The following COP1 variants were observed in gnomAD, a reference collection of about 807,000 sequenced individuals.
COP1 encodes the protein COP1 E3 ubiquitin ligase.
COP1 carries 24 observed loss-of-function variants against 101.3 expected under a neutral mutation model. The observed-to-expected ratio is 0.24, with a 90% CI of 0.17 to 0.33. COP1 has a LOEUF of 0.33. Ranked by LOEUF, COP1 falls within the 10% of genes least tolerant of loss-of-function variation. The pLI is 1.00. For synonymous variants in COP1, 347 were observed against 341.9 expected (o/e 1.01, Z -0.17); for missense variants, 663 against 906.2 (o/e 0.73, Z 3.45).
At position 176,130,265 on chromosome 1, in the gene COP1, C is replaced by T. The variant is rs183292050; in HGVS notation, c.968+4745G>A. 4.1e-3 allele frequency among the ~76,000 whole-genome samples: 623 copies of T among 151,772 alleles called. 2 individuals carry two copies. The highest frequency in any genetic ancestry group is 6.9e-3 in the Non-Finnish European group (469 of 67,678). On this transcript the variant is annotated intron_variant, in intron 8 of 19. Coordinates refer to ENST00000367669, the MANE Select transcript of COP1 (RefSeq NM_022457.7). ...AAATATTAATAATACTCTAGAAGGG[C>T]AGATAGGATGTATATCCTCATAATC...
chr1:176,163,877 G>A lies in COP1; in HGVS notation c.580C>T (p.Leu194Phe). ...YPNFLVNELI[L>F]KQKQRFEEKR... is the part of the protein sequence containing the mutation. Reference sequence around the variant, plus strand: ...TCCTCAAATCTTTGCTTCTGTTTAAGAATGAGTTCATTCACTGAAAACAGA... The same window carrying A: ...TCCTCAAATCTTTGCTTCTGTTTAAAAATGAGTTCATTCACTGAAAACAGA... The change falls in exon 4 of 20, where the codon CTT (leucine) becomes TTT (phenylalanine). Residue 194 changes from leucine to phenylalanine, a missense_variant. Transcript: ENST00000367669. The A allele has an allele frequency of 6.2e-7, 1 of 1,604,902 alleles. No individual in the cohort carries two copies. The highest frequency in any genetic ancestry group is 1.1e-5 in the South Asian group (1 of 89,972).
chr1:175,971,016 A>T (rs1653130350), intron 18 of COP1, among the ~76,000 whole-genome samples: 1 of 152,214 alleles, frequency 6.6e-6, no homozygotes, highest in Non-Finnish European at 1.5e-5. Flanking sequence ...AACAGAAATG[A>T]GGAGATGAAA....
chr1:176,067,035 C>T (rs10913131), intron 11 of COP1, among the ~76,000 whole-genome samples: 60,356 of 151,888 alleles, frequency 0.4, 12,193 homozygotes, highest in Admixed American at 0.44. Context: ...TGGTTTTTAA[C>T]TCTATTTTCA....
Position 175,986,930 on chromosome 1 carries a change from T to C in COP1, c.2133+13A>G. 6.4e-7 allele frequency: 1 copy of C among 1,564,020 alleles called. No homozygotes were observed. The highest frequency in any genetic ancestry group is 8.6e-7 in the Non-Finnish European group (1 of 1,159,408). On this transcript the variant is annotated intron_variant, in intron 18 of 19. Coordinates refer to ENST00000367669, the MANE Select transcript of COP1 (RefSeq NM_022457.7). ...TGAGATCCCAAGGTGAAAAAACTGA[T>C]ATGAAAACTTACCCCATCTGGTAGT...
intron 18 of COP1, among the ~76,000 whole-genome samples, chr1:175,979,379 T>C (rs1655280984): frequency 6.6e-6 from 1 of 152,106 alleles, no homozygotes; most frequent in Admixed American, 6.6e-5. Flanking sequence ...GCTTCTCAAA[T>C]GTGCTTTACT....
chr1:176,086,168 A>C (rs1680098456), intron 9 of COP1, among the ~76,000 whole-genome samples: 1 of 152,182 alleles, frequency 6.6e-6, no homozygotes, highest in African/African-American at 2.4e-5. Context: ...CACTTCTACA[A>C]ATAAAATGAA....
At chr1:176,190,863 C>T (rs1264025937) in intron 1 of COP1, among the ~76,000 whole-genome samples, 1 of 151,818 alleles carries the variant, frequency 6.6e-6, no homozygotes, top group Non-Finnish European at 1.5e-5. Context: ...TGTCAACTGT[C>T]TTATAGTAGT....
At position 176,133,153 on chromosome 1, in the gene COP1, C is replaced by CAT. The variant is rs540528210; in HGVS notation, c.968+1855_968+1856dup. Among the ~76,000 whole-genome samples, 54 of 138,838 alleles carry CAT rather than the reference C, an allele frequency of 3.9e-4. 1 individual carries two copies. In the East Asian group the frequency reaches 0.011, roughly 27 times the overall value. The allele number at this position is 138,838 out of a possible 152,430, so 91.1% of individuals were successfully genotyped here. On this transcript the variant is annotated intron_variant, in intron 8 of 19. Coordinates refer to ENST00000367669, the MANE Select transcript of COP1 (RefSeq NM_022457.7). ...ACCCATACACATACGTATATACGTA[C>CAT]ATATATATACGTATGTACACACATA...
intron 18 of COP1, among the ~76,000 whole-genome samples, chr1:175,952,753 A>T (rs1458032439): frequency 6.7e-6 from 1 of 149,164 alleles, no homozygotes; most frequent in Non-Finnish European, 1.5e-5. Context: ...TACTAAAAAT[A>T]AAAAAAAACA....
intron 9 of COP1, among the ~76,000 whole-genome samples, chr1:176,098,211 A>G (rs1293896136): frequency 6.6e-6 from 1 of 152,222 alleles, no homozygotes; most frequent in Non-Finnish European, 1.5e-5. Context: ...TTATGCTGGA[A>G]GAAGTCAAAC....
At chr1:175,947,860 A>C (rs1250086810) in intron 18 of COP1, among the ~76,000 whole-genome samples, 3 of 152,236 alleles carry the variant, frequency 2.0e-5, no homozygotes, top group African/African-American at 7.2e-5. Flanking sequence ...TAAAATGAAA[A>C]AAAGAGTAAG....
rs866791239 is a variant in COP1 at position 176,071,188 on chromosome 1, G to T, written c.1277+9964C>A. Among the ~76,000 whole-genome samples, 84 of 152,212 alleles carry T rather than the reference G, an allele frequency of 5.5e-4. No individual in the cohort carries two copies. In the South Asian group the frequency reaches 6.7e-3, roughly 12 times the overall value. ...TCTTCATGATAGTGAATTCTCGCAA[G>T]ATCTGGTCATTTTAAAAATGTGTGG... On this transcript the variant is annotated intron_variant, in intron 11 of 19. Coordinates refer to ENST00000367669, the MANE Select transcript of COP1 (RefSeq NM_022457.7).
At chr1:175,980,123 A>G (rs1655460753) in intron 18 of COP1, among the ~76,000 whole-genome samples, 1 of 152,146 alleles carries the variant, frequency 6.6e-6, no homozygotes, top group South Asian at 2.1e-4. Context: ...AGAGATGAGG[A>G]CACTGAAGCA....
intron 11 of COP1, among the ~76,000 whole-genome samples, chr1:176,063,047 G>GTTTTTTTTTTTTT (rs34464104): frequency 2.2e-4 from 20 of 90,586 alleles, no homozygotes; most frequent in South Asian, 4.1e-4. Context: ...TTTTGAAAAT[G>GTTTTTTTTTTTTT]TTTTTTTTTT....
chr1:176,013,440 A>T (rs1045419705), intron 15 of COP1, among the ~76,000 whole-genome samples: 1 of 152,186 alleles, frequency 6.6e-6, no homozygotes, highest in African/African-American at 2.4e-5. Flanking sequence ...GTCTTAATGA[A>T]TCATTATAAA....
chr1:176,062,833 A>G (rs1253192235), intron 11 of COP1, among the ~76,000 whole-genome samples: 1 of 152,214 alleles, frequency 6.6e-6, no homozygotes, highest in East Asian at 1.9e-4. Context: ...TAAATTACTA[A>G]TATGGGCAGC....
chr1:176,093,780 C>T (rs1681801425), intron 9 of COP1, among the ~76,000 whole-genome samples: 1 of 151,910 alleles, frequency 6.6e-6, no homozygotes, highest in South Asian at 2.1e-4. Flanking sequence ...GCGGAGCCTG[C>T]AGTGAGCCGA....
intron 6 of COP1, among the ~76,000 whole-genome samples, chr1:176,143,762 A>G (rs745666694): frequency 9.9e-5 from 15 of 152,230 alleles, no homozygotes; most frequent in Admixed American, 7.9e-4. Flanking sequence ...CCCTGGGCCA[A>G]TCAGGATGGT....
intron 9 of COP1, among the ~76,000 whole-genome samples, chr1:176,098,404 T>TCTC (rs1416250066): frequency 1.7e-4 from 26 of 152,156 alleles, no homozygotes; most frequent in African/African-American, 2.4e-5. Context: ...TTGCCTAGGG[T>TCTC]CTAAGGATTG....
Sources: allele counts gnomAD v4.1 joint callset (sites outside exome capture counted in the v4.1 genomes callset), GRCh38; gene constraint gnomAD v4.1.1; transcripts MANE v1.5; gene names NCBI Gene and HGNC (gene_info 2026-07-23, HGNC 2026-07-21).